Variants in ITPR2 observed in about 807,000 individuals in gnomAD.
ITPR2 encodes inositol 1,4,5-trisphosphate receptor type 2, also known as inositol 1,4,5-trisphosphate-gated calcium channel ITPR2.
ITPR2 carries 207 observed loss-of-function variants against 317.1 expected under a neutral mutation model. The ratio of observed to expected loss-of-function variants is 0.65; its 90% confidence interval spans 0.58 to 0.73. The LOEUF (loss-of-function observed/expected upper bound fraction) is 0.73. Among genes scored for constraint, ITPR2 ranks in the 30% least tolerant of loss-of-function variants. The pLI is 0.00. For synonymous variants in ITPR2, 1,156 were observed against 1,149.1 expected (o/e 1.01, Z -0.12); for missense variants, 2,613 against 3,284.0 (o/e 0.80, Z 4.99).
intron 22 of ITPR2, among the ~76,000 whole-genome samples, chr12:26,629,218 T>C (rs1284697684): frequency 5.9e-5 from 9 of 152,204 alleles, no homozygotes; most frequent in Non-Finnish European, 1.0e-4. Context: ...GCACTTCCGC[T>C]CTTGCCTCCG....
chr12:26,605,124 AAAAT>A (rs1946100307), intron 26 of ITPR2, among the ~76,000 whole-genome samples: 1 of 83,882 alleles, frequency 1.2e-5, no homozygotes, highest in African/African-American at 4.4e-5. Flanking sequence ...ATAAAAAATA[AAAAT>A]ATATATATAT....
chr12:26,707,513 TA>T (rs1465950623), intron 9 of ITPR2, among the ~76,000 whole-genome samples: 11 of 152,262 alleles, frequency 7.2e-5, no homozygotes, highest in Admixed American at 7.2e-4. Flanking sequence ...TGCTTTGAAA[TA>T]AAAAACCTGG....
At chr12:26,435,307 AACC>A (rs1941324743) in intron 48 of ITPR2, among the ~76,000 whole-genome samples, 1 of 152,066 alleles carries the variant, frequency 6.6e-6, no homozygotes, top group Non-Finnish European at 1.5e-5. Flanking sequence ...TTTAAACAGC[AACC>A]ACCACCATTG....
intron 11 of ITPR2, among the ~76,000 whole-genome samples, chr12:26,685,930 TTCTTCAAAGCAC>T (rs1948116302): frequency 6.6e-6 from 1 of 152,216 alleles, no homozygotes; most frequent in East Asian, 1.9e-4. Context: ...CCTCCATTTT[TTCTTCAAAGCAC>T]TTTTATTACC....
At chr12:26,447,519 G>C (rs1189877241) in intron 45 of ITPR2, among the ~76,000 whole-genome samples, 1 of 68,604 alleles carries the variant, frequency 1.5e-5, no homozygotes, top group African/African-American at 5.7e-5. Context: ...AGTAAGGACA[G>C]AGTAAAAAAA....
At chr12:26,657,929 A>C in intron 17 of ITPR2, 37 bp from the exon 18 acceptor site, 2 of 1,607,794 alleles carry the variant, frequency 1.2e-6, no homozygotes, top group South Asian at 1.1e-5. Flanking sequence ...TCTACTAAAA[A>C]GTACACTTGT....
intron 37 of ITPR2, among the ~76,000 whole-genome samples, chr12:26,500,407 T>C (rs11048555): frequency 0.42 from 64,058 of 152,006 alleles, 15,001 homozygotes; most frequent in Non-Finnish European, 0.53. Flanking sequence ...TGCTGGTTCT[T>C]CAAATCCAAA....
At chr12:26,559,516 G>T (rs1166275357) in intron 35 of ITPR2, among the ~76,000 whole-genome samples, 1 of 152,056 alleles carries the variant, frequency 6.6e-6, no homozygotes, top group Non-Finnish European at 1.5e-5. Context: ...ATTTTATAGG[G>T]ACTCTAATCG....
At position 26,482,650 on chromosome 12, in the gene ITPR2, G is replaced by T. The variant is rs574404622; in HGVS notation, c.6012+1048C>A. ...AGGGAAAAATCCACAAACTCTTTCGGTATTTCATATGTACAGTACAGAAAG... is the reference window on the plus strand; with the variant it reads ...AGGGAAAAATCCACAAACTCTTTCGTTATTTCATATGTACAGTACAGAAAG... On this transcript the variant is annotated intron_variant, in intron 42 of 56. Transcript: ENST00000381340. Among the ~76,000 whole-genome samples, 7 of 152,198 alleles carry T rather than the reference G, an allele frequency of 4.6e-5. No homozygotes were observed. In the South Asian group the frequency reaches 1.0e-3, roughly 23 times the overall value.
chr12:26,448,915 C>T (rs1565532723), intron 45 of ITPR2, among the ~76,000 whole-genome samples: 2 of 152,048 alleles, frequency 1.3e-5, no homozygotes, highest in Non-Finnish European at 2.9e-5. Flanking sequence ...CTTTGAGCAA[C>T]ACCATGCATT....
chr12:26,400,335 T>C (rs1940133375), intron 52 of ITPR2, 77 bp from the exon 53 acceptor site: 4 of 800,930 alleles, frequency 5.0e-6, no homozygotes, highest in South Asian at 3.8e-5. Flanking sequence ...AAATGAAATA[T>C]ACATACAATA....
chr12:26,413,027 A>C (rs1940598974), intron 51 of ITPR2, among the ~76,000 whole-genome samples: 1 of 152,132 alleles, frequency 6.6e-6, no homozygotes, highest in Admixed American at 6.6e-5. Flanking sequence ...GAAGGTGAGA[A>C]ACAGAAGGGT....
At chr12:26,828,062 C>G (rs1951035026) in intron 1 of ITPR2, among the ~76,000 whole-genome samples, 1 of 152,236 alleles carries the variant, frequency 6.6e-6, no homozygotes, top group South Asian at 2.1e-4. Flanking sequence ...TGGGCCACAG[C>G]ATCTTCTCTC....
At chr12:26,361,163 C>T (rs1024509451) in intron 55 of ITPR2, among the ~76,000 whole-genome samples, 6 of 149,880 alleles carry the variant, frequency 4.0e-5, no homozygotes, top group African/African-American at 9.9e-5. Flanking sequence ...TGCAGTGAGC[C>T]GAGATGGCAC....
intron 1 of ITPR2, among the ~76,000 whole-genome samples, chr12:26,806,599 G>C (rs919597300): frequency 1.3e-5 from 2 of 152,208 alleles, no homozygotes; most frequent in African/African-American, 4.8e-5. Context: ...AATATTCTGG[G>C]TAAGTTCACA....
chr12:26,605,424 TAC>T (rs1451525632), intron 26 of ITPR2, among the ~76,000 whole-genome samples: 2 of 152,004 alleles, frequency 1.3e-5, no homozygotes, highest in Admixed American at 1.3e-4. Flanking sequence ...CTAAAACATA[TAC>T]ACACAAACAC....
chr12:26,386,423 C>T (rs538758560), intron 55 of ITPR2, among the ~76,000 whole-genome samples: 2 of 152,242 alleles, frequency 1.3e-5, no homozygotes, highest in African/African-American at 4.8e-5. Context: ...TAAATATTGA[C>T]AGGTAAGGTA....
At chr12:26,581,033 G>A (rs1350005691) in intron 32 of ITPR2, among the ~76,000 whole-genome samples, 2 of 152,182 alleles carry the variant, frequency 1.3e-5, no homozygotes, top group Non-Finnish European at 2.9e-5. Context: ...CTGCAGCAGA[G>A]AAAGAAAGTT....
At chr12:26,419,016 C>G in intron 50 of ITPR2, 33 bp downstream of exon 50, 1 of 1,568,080 alleles carries the variant, frequency 6.4e-7, no homozygotes, top group Non-Finnish European at 8.7e-7. Context: ...TGTACTTTTT[C>G]AGCAGTGATT....
Sources: allele counts gnomAD v4.1 joint callset (sites outside exome capture counted in the v4.1 genomes callset), GRCh38; gene constraint gnomAD v4.1.1; transcripts MANE v1.5; gene names NCBI Gene and HGNC (gene_info 2026-07-23, HGNC 2026-07-21).